WASF3: variants seen among roughly 807,000 people sequenced by gnomAD.
The protein encoded by WASF3 is WASP family member 3, also known as actin-binding protein WASF3.
WASF3 carries 11 observed loss-of-function variants against 46.6 expected under a neutral mutation model. The ratio of observed to expected loss-of-function variants is 0.24; its 90% CI spans 0.15 to 0.39. WASF3 has a LOEUF of 0.39. Among genes scored for constraint, WASF3 ranks in the 10% least tolerant of loss-of-function variants. The pLI, the probability that WASF3 is intolerant of heterozygous loss-of-function variation, is 1.00. For synonymous variants in WASF3, 242 were observed against 259.7 expected (o/e 0.93, Z 0.65); for missense variants, 576 against 669.8 (o/e 0.86, Z 1.55).
At chr13:26,641,381 C>T (rs972252398) in intron 2 of WASF3, 2 of 152,114 alleles carry the variant, frequency 1.3e-5, no homozygotes, top group Non-Finnish European at 2.9e-5. Context: ...CCTGCTGCCC[C>T]CAGTTAGCAG....
upstream of WASF3, among the ~76,000 whole-genome samples, chr13:26,553,136 G>T (rs762617362): frequency 2.6e-5 from 4 of 152,200 alleles, no homozygotes; most frequent in Non-Finnish European, 5.9e-5. Context: ...TCACTGCCCT[G>T]TGGGCCCCGG....
intron 4 of WASF3, 48 bp downstream of exon 4, chr13:26,665,210 T>C: frequency 6.3e-7 from 1 of 1,596,040 alleles, no homozygotes; most frequent in South Asian, 1.1e-5. Flanking sequence ...GTTGACAAGA[T>C]GGTAGTAATT....
rs534771000 is a variant in WASF3, at chr13:26,681,066, G to C, written c.729G>C (p.Ser243=). 9 of 1,611,556 alleles carry C rather than the reference G, an allele frequency of 5.6e-6. No homozygotes were observed. Among genetic ancestry groups the C allele is most frequent in the Non-Finnish European group, 7.6e-6 (9 of 1,178,388 alleles). ...SLSPDTRSHA[S]DVTDYSYPAT... is the part of the protein sequence containing the mutation. ...TTTCAAATGCCAGGTCACATGCATCGGACGTTACGGATTACTCTTACCCGG... is the reference window on the plus strand; with the variant it reads ...TTTCAAATGCCAGGTCACATGCATCCGACGTTACGGATTACTCTTACCCGG... The change falls in exon 8 of 10, where the codon TCG becomes TCC. Residue 243 remains serine, a synonymous_variant. Coordinates refer to ENST00000335327, the MANE Select transcript of WASF3 (RefSeq NM_006646.6).
At chr13:26,625,254 TATAGG>T (rs993771532) in intron 2 of WASF3, among the ~76,000 whole-genome samples, 12 of 152,200 alleles carry the variant, frequency 7.9e-5, no homozygotes, top group African/African-American at 2.9e-4. Flanking sequence ...AAATAGAACA[TATAGG>T]ATATATAGAT....
chr13:26,560,552 T>G (rs2137136426), intron 1 of WASF3, among the ~76,000 whole-genome samples: 1 of 152,298 alleles, frequency 6.6e-6, no homozygotes, highest in South Asian at 2.1e-4. Flanking sequence ...GGTACTATTT[T>G]AATCACTAGG....
At chr13:26,629,017 T>A (rs1881567171) in intron 2 of WASF3, among the ~76,000 whole-genome samples, 1 of 152,210 alleles carries the variant, frequency 6.6e-6, no homozygotes, top group Non-Finnish European at 1.5e-5. Flanking sequence ...CAGCGTTCAT[T>A]GGGATGGACC....
intron 2 of WASF3, chr13:26,639,993 A>C (rs1283185438): frequency 6.6e-6 from 1 of 152,392 alleles, no homozygotes; most frequent in Non-Finnish European, 1.5e-5. Context: ...GGTGATGTGC[A>C]GGTGGGTAGT....
chr13:26,576,605 T>C (rs1007422249), intron 1 of WASF3, among the ~76,000 whole-genome samples: 7 of 152,226 alleles, frequency 4.6e-5, no homozygotes, highest in East Asian at 1.9e-4. Context: ...ATGTAACTTA[T>C]GTACTTACTA....
At chr13:26,541,145 T>C in the WASF3 span, among the ~76,000 whole-genome samples, 1 of 152,114 alleles carries the variant, frequency 6.6e-6, no homozygotes, top group Non-Finnish European at 1.5e-5. Flanking sequence ...AAACACACAA[T>C]GTAACATAGC....
At chr13:26,552,830 C>T, upstream of WASF3, among the ~76,000 whole-genome samples, 1 of 152,102 alleles carries the variant, frequency 6.6e-6, no homozygotes, top group Non-Finnish European at 1.5e-5. Flanking sequence ...AAAAGAATGA[C>T]AATTGTTTTT....
chr13:26,615,865 T>C (rs925294612), intron 2 of WASF3, among the ~76,000 whole-genome samples: 1 of 152,208 alleles, frequency 6.6e-6, no homozygotes, highest in African/African-American at 2.4e-5. Flanking sequence ...GTTATGTAAA[T>C]GGAATAATAC....
In WASF3 at chr13:26,672,001, C is replaced by A. The variant is rs771674122; in HGVS notation, c.540+12C>A. 3.2e-6 allele frequency: 5 copies of A among 1,549,088 alleles called. No individual in the cohort carries two copies. In the African/African-American group the frequency reaches 6.8e-5, roughly 21 times the overall value. On this transcript the variant is annotated intron_variant, in intron 6 of 9. Transcript: ENST00000335327. ...AAAGGCGTCAAAAGGTAAATAATTT[C>A]AGTATGGGAAATGTGCATATCAGTG...
At chr13:26,582,694 A>AAAAAAC (rs1880018733) in intron 1 of WASF3, among the ~76,000 whole-genome samples, 1 of 150,998 alleles carries the variant, frequency 6.6e-6, no homozygotes, top group Admixed American at 6.6e-5. Flanking sequence ...AAAAAAAAAA[A>AAAAAAC]AAAAAGCCTA....
rs1883435688 is a variant in WASF3, at chr13:26,687,254, CTT to C, written c.*1411_*1412del. On this transcript the variant is annotated 3_prime_UTR_variant, in exon 10 of 10. Coordinates refer to ENST00000335327, the MANE Select transcript of WASF3 (RefSeq NM_006646.6). Reference sequence around the variant, plus strand: ...GCTAAGACGCTTGACTTATTAAGGACTTTAACCTACTCAACAGTATTTCATAT... The same window carrying C: ...GCTAAGACGCTTGACTTATTAAGGACTAACCTACTCAACAGTATTTCATAT... The C allele has an allele frequency of 6.6e-6, 1 of 152,220 alleles. No homozygotes were observed. Among genetic ancestry groups the C allele is most frequent in the African/African-American group, 2.4e-5 (1 of 41,458 alleles). 9.4% of individuals were successfully genotyped at this position (152,220 alleles called of 1,614,324 possible). A position where few individuals can be genotyped will look rare whatever the true frequency, so the allele number is the denominator to read the frequency against.
intron 1 of WASF3, among the ~76,000 whole-genome samples, chr13:26,592,198 A>G (rs9551299): frequency 0.29 from 43,383 of 151,984 alleles, 6,618 homozygotes; most frequent in East Asian, 0.58. Context: ...AAATATTTCA[A>G]CCTGACAGCT....
chr13:26,577,787 C>G, intron 1 of WASF3: 2 of 622,634 alleles, frequency 3.2e-6, no homozygotes, highest in Non-Finnish European at 2.8e-6. Context: ...TCAGATTTCA[C>G]TAGTTTATAC....
At chr13:26,586,598 T>G (rs1880134502) in intron 1 of WASF3, among the ~76,000 whole-genome samples, 1 of 152,196 alleles carries the variant, frequency 6.6e-6, no homozygotes, top group Non-Finnish European at 1.5e-5. Flanking sequence ...CTTGTCTGTC[T>G]TTGTTTGCTT....
chr13:26,556,962 T>G (rs879679102), upstream of WASF3, among the ~76,000 whole-genome samples: 5 of 87,800 alleles, frequency 5.7e-5, no homozygotes, highest in Non-Finnish European at 1.1e-4. Flanking sequence ...TCTTTTCTTC[T>G]CTTCCTTTCC....
In WASF3 at chr13:26,688,704, C is replaced by T. The variant is rs755747604; in HGVS notation, c.*2859C>T. ...TAATTTGCAATTAAAATACATGATA[C>T]ATATTAATCCATTAAAGACTAGTGG... On this transcript the variant is annotated 3_prime_UTR_variant, in exon 10 of 10. Transcript: ENST00000335327. 25 of 152,150 alleles carry T rather than the reference C, an allele frequency of 1.6e-4. No individual in the cohort carries two copies. The highest frequency in any genetic ancestry group is 2.5e-4 in the Non-Finnish European group (17 of 68,026). 9.4% of individuals were successfully genotyped at this position (152,150 alleles called of 1,614,324 possible).
Sources: gnomAD v4.1 joint callset for allele counts (sites outside exome capture counted in the v4.1 genomes callset) on GRCh38, gnomAD v4.1.1 for gene constraint, MANE v1.5 for transcripts, NCBI Gene and HGNC (gene_info 2026-07-23, HGNC 2026-07-21) for gene names.